Variants in UPRT observed in about 807,000 individuals in gnomAD.
UPRT encodes the protein RP11-311P8.3.
Under a neutral mutation model 22.6 loss-of-function variants are expected in UPRT, and 5 were observed. The observed-to-expected ratio is 0.22, with a 90% confidence interval of 0.12 to 0.47. The LOEUF (loss-of-function observed/expected upper bound fraction) is 0.47, where lower values mean the gene tolerates loss of function less well. UPRT is among the 20% of genes least tolerant of loss of function. UPRT has a pLI of 0.99. For missense variants in UPRT, 181 were observed against 239.9 expected (o/e 0.75, Z 1.62); for synonymous variants, 77 against 87.7 (o/e 0.88, Z 0.68).
intron 4 of UPRT, among the ~76,000 whole-genome samples, chrX:75,178,014 C>T (rs897715843): frequency 4.5e-5 from 5 of 112,247 alleles, no homozygotes; most frequent in African/African-American, 1.6e-4. Flanking sequence ...CTCGCTTGGG[C>T]GACATGCTTG....
At chrX:75,303,291 C>G in intron 6 of UPRT, 114 bp from the exon 7 acceptor site, 1 of 524,080 alleles carries the variant, frequency 1.9e-6, no homozygotes. Flanking sequence ...ATCCAAAGAT[C>G]ATTGCTCTCT....
At chrX:75,299,922 C>A in intron 5 of UPRT, 26 bp downstream of exon 5, 1 of 1,198,275 alleles carries the variant, frequency 8.3e-7, no homozygotes, top group Non-Finnish European at 1.1e-6. Context: ...TTGTTTGTAA[C>A]CTTTGGTTAG....
intron 6 of UPRT, among the ~76,000 whole-genome samples, chrX:75,301,806 C>A (rs1365248398): frequency 9.0e-6 from 1 of 111,350 alleles, no homozygotes; most frequent in Non-Finnish European, 1.9e-5. Flanking sequence ...ATTTTAATTA[C>A]AAAAATCAGA....
chrX:75,263,845 G>T (rs2082577358), intron 4 of UPRT, among the ~76,000 whole-genome samples: 1 of 110,759 alleles, frequency 9.0e-6, no homozygotes, highest in African/African-American at 3.3e-5. Context: ...GCTTTCGCTT[G>T]TGGGCATTTA....
chrX:75,266,577 A>G (rs893618018), intron 4 of UPRT, among the ~76,000 whole-genome samples: 17 of 111,935 alleles, frequency 1.5e-4, no homozygotes, highest in African/African-American at 5.5e-4. Flanking sequence ...AATAAAAGAC[A>G]AAATTGACAG....
At chrX:75,278,164 T>C (rs1376662164) in intron 1 of UPRT, among the ~76,000 whole-genome samples, 1 of 111,770 alleles carries the variant, frequency 8.9e-6, no homozygotes, top group Non-Finnish European at 1.9e-5. Flanking sequence ...CCTTAGCATC[T>C]ATATAGTGAA....
In UPRT at chrX:75,274,345, C is replaced by T. The variant is rs762066776; in HGVS notation, c.91C>T (p.Pro31Ser). Residue 31 changes from proline to serine, a missense_variant, in exon 1 of 7, where the codon CCT becomes TCT. Coordinates refer to ENST00000373383, the MANE Select transcript of UPRT (RefSeq NM_145052.4). ...AACCCCAAGTCCCGAGCAGCTGCGACCTGGCGATCTGATCCTGGACCACGC... is the reference window on the plus strand; with the variant it reads ...AACCCCAAGTCCCGAGCAGCTGCGATCTGGCGATCTGATCCTGGACCACGC... ...ASTPSPEQLR[P>S]GDLILDHAGG... 1.7e-6 allele frequency: 2 copies of T among 1,211,837 alleles called. No homozygotes were observed. The highest frequency in any genetic ancestry group is 2.2e-6 in the Non-Finnish European group (2 of 895,555).
chrX:75,246,823 T>G (rs1461428857), intron 4 of UPRT, among the ~76,000 whole-genome samples: 1 of 111,905 alleles, frequency 8.9e-6, no homozygotes, highest in Non-Finnish European at 1.9e-5. Context: ...TATCTCATTG[T>G]GGTTTTCATT....
At chrX:75,262,679 AAACT>A (rs1174985158) in intron 4 of UPRT, among the ~76,000 whole-genome samples, 1 of 111,988 alleles carries the variant, frequency 8.9e-6, no homozygotes, top group Non-Finnish European at 1.9e-5. Flanking sequence ...AACAGACTTT[AAACT>A]AACAAAGATC....
At position 75,180,596 on chromosome X, in the gene UPRT, T is replaced by G. The variant is rs954679593; in HGVS notation, c.-447+12717T>G. 7.3e-5 allele frequency among the ~76,000 whole-genome samples: 8 copies of G among 109,670 alleles called. No homozygotes were observed. The Admixed American group carries it at 7.8e-4, about 11-fold the overall frequency. ...ATTTCTGGAGCAAAAGTTCATGATATGAGTCTCCACACTCTGCTCTGTCCA... is the reference window on the plus strand; with the variant it reads ...ATTTCTGGAGCAAAAGTTCATGATAGGAGTCTCCACACTCTGCTCTGTCCA... On this transcript the variant is annotated intron_variant, in intron 4 of 13. Coordinates refer to the UPRT transcript ENST00000652605.
intron 4 of UPRT, among the ~76,000 whole-genome samples, chrX:75,229,411 T>C (rs7059839): frequency 5.4e-4 from 61 of 112,054 alleles, no homozygotes; most frequent in Non-Finnish European, 9.4e-4. Context: ...GAGATATACA[T>C]TTAAAAAATA....
chrX:75,250,238 A>C lies in UPRT; in HGVS notation c.-446-40786A>C, dbSNP rs749807750. On this transcript the variant is annotated intron_variant, in intron 4 of 13. Coordinates refer to the UPRT transcript ENST00000652605. The stretch of plus-strand genomic sequence containing the variant: ...AGCAGAACTGAAGGAAATAGAGACA[A>C]AAAAAACCCTTCAAAAAATTAATGA... Among the ~76,000 whole-genome samples the C allele has an allele frequency of 9.7e-4, 107 of 110,087 alleles. 1 individual carries two copies. The highest frequency in any genetic ancestry group is 3.2e-3 in the African/African-American group (96 of 30,390).
intron 4 of UPRT, among the ~76,000 whole-genome samples, chrX:75,265,684 A>G (rs1341020776): frequency 8.9e-6 from 1 of 111,910 alleles, no homozygotes; most frequent in Admixed American, 9.5e-5. Context: ...TAAACTCTTC[A>G]AAGTCATTCT....
intron 4 of UPRT, among the ~76,000 whole-genome samples, chrX:75,203,732 C>A (rs1452195902): frequency 9.0e-6 from 1 of 111,256 alleles, no homozygotes; most frequent in Non-Finnish European, 1.9e-5. Context: ...TGAGGCTGTT[C>A]TGGCCCTTGT....
At chrX:75,273,843 C>T (rs939251178), upstream of UPRT, among the ~76,000 whole-genome samples, 1 of 111,825 alleles carries the variant, frequency 8.9e-6, no homozygotes, top group African/African-American at 3.2e-5. Flanking sequence ...TCACCTGCCA[C>T]CCCCAGTTTT....
chrX:75,174,072 C>T (rs1022135021), intron 4 of UPRT, among the ~76,000 whole-genome samples: 8 of 111,934 alleles, frequency 7.1e-5, no homozygotes, highest in East Asian at 2.8e-4. Context: ...CTGAAGGGCT[C>T]CTCAAATGCC....
At chrX:75,206,029 T>C (rs776574745) in intron 4 of UPRT, among the ~76,000 whole-genome samples, 1 of 111,808 alleles carries the variant, frequency 8.9e-6, no homozygotes, top group Middle Eastern at 4.6e-3. Flanking sequence ...TTGGCCCATT[T>C]AATTTTACCT....
chrX:75,256,479 C>T (rs1306611500), intron 4 of UPRT, among the ~76,000 whole-genome samples: 6 of 110,761 alleles, frequency 5.4e-5, no homozygotes, highest in Non-Finnish European at 1.1e-4. Flanking sequence ...ACCAACCAAA[C>T]CCAAACCCAG....
chrX:75,299,617 A>T, intron 4 of UPRT, 118 bp from the exon 5 acceptor site: 4 of 783,741 alleles, frequency 5.1e-6, no homozygotes, highest in Non-Finnish European at 6.9e-6. Context: ...CTTCAAAATA[A>T]TTATTTTCAT....
Sources: allele counts gnomAD v4.1 joint callset (sites outside exome capture counted in the v4.1 genomes callset), GRCh38; gene constraint gnomAD v4.1.1; transcripts MANE v1.5; gene names NCBI Gene and HGNC (gene_info 2026-07-23, HGNC 2026-07-21).